The following DDRGK1 variants were observed in gnomAD, a reference collection of about 807,000 sequenced individuals.
DDRGK1 encodes DDRGK domain-containing protein 1.
DDRGK1 carries 38 observed loss-of-function variants against 45.8 expected under a neutral mutation model. The ratio of observed to expected loss-of-function variants is 0.83; its 90% CI spans 0.64 to 1.09. DDRGK1 has a LOEUF of 1.09. Among genes scored for constraint, DDRGK1 ranks in the 50% least tolerant of loss-of-function variants. The pLI, the probability that DDRGK1 is intolerant of heterozygous loss-of-function variation, is 0.00. For missense variants in DDRGK1, 403 were observed against 419.9 expected (o/e 0.96, Z 0.35); for synonymous variants, 171 against 168.7 (o/e 1.01, Z -0.11).
At chr20:3,195,096 A>G (rs2295551) in intron 5 of DDRGK1, 135 bp downstream of exon 5, 476,364 of 1,476,442 alleles carry the variant, frequency 0.32, 78,545 homozygotes, top group South Asian at 0.43. Flanking sequence ...TGGCCACTAA[A>G]GCCTGCTGGT....
rs746752541 is a variant in DDRGK1 at position 3,190,615 on chromosome 20, G to A, written c.*38C>T. ...GGGATGAAGATGTATAGCCAGGTAG[G>A]CCACACCAACTCTGAGTCCAAGAGG... On this transcript the variant is annotated 3_prime_UTR_variant, in exon 9 of 9. Transcript: ENST00000354488. 1.2e-6 allele frequency: 2 copies of A among 1,608,764 alleles called. No individual in the cohort carries two copies. Among genetic ancestry groups the A allele is most frequent in the Non-Finnish European group, 8.5e-7 (1 of 1,177,574 alleles).
chr20:3,190,859 G>A (rs1220517488), intron 8 of DDRGK1, 40 bp from the exon 9 acceptor site: 1 of 1,578,982 alleles, frequency 6.3e-7, no homozygotes, highest in Non-Finnish European at 8.6e-7. Context: ...GGCCTCCTGG[G>A]CGTTCCCCAT....
intron 8 of DDRGK1, 150 bp from the exon 9 acceptor site, chr20:3,190,969 A>G (rs2066987139): frequency 5.3e-6 from 7 of 1,329,570 alleles, no homozygotes; most frequent in Non-Finnish European, 7.2e-6. Context: ...TCCTGCTAGG[A>G]GAGTCGAATC....
chr20:3,204,631 G>T lies in DDRGK1; in HGVS notation c.-4C>A. On this transcript the variant is annotated 5_prime_UTR_variant, in exon 1 of 9. The change creates a premature stop within an existing upstream ORF in the 5' untranslated region. Transcript: ENST00000354488. ...AGTACCACACAGGCGCCACCATGAC[G>T]AGGGCCTCAGTGCAGAACCACTGCG... 3.2e-6 allele frequency: 5 copies of T among 1,578,062 alleles called. No homozygotes were observed. The highest frequency in any genetic ancestry group is 4.3e-6 in the Non-Finnish European group (5 of 1,166,220).
At chr20:3,204,496 A>G in intron 1 of DDRGK1, 41 bp downstream of exon 1, 1 of 1,534,192 alleles carries the variant, frequency 6.5e-7, no homozygotes, top group African/African-American at 1.4e-5. Flanking sequence ...GAAGGCCAGA[A>G]AACCCGGTAC....
chr20:3,195,492 T>C, intron 4 of DDRGK1, 139 bp from the exon 5 acceptor site: 2 of 1,253,378 alleles, frequency 1.6e-6, no homozygotes, highest in Non-Finnish European at 2.1e-6. Context: ...AGGACCCCCA[T>C]TTCTCCATTC....
At chr20:3,197,251 G>A (rs975258171) in intron 4 of DDRGK1, among the ~76,000 whole-genome samples, 2 of 146,934 alleles carry the variant, frequency 1.4e-5, no homozygotes, top group African/African-American at 2.5e-5. Flanking sequence ...AAAAAAGACT[G>A]CATGAATATT....
chr20:3,203,626 T>C (rs2067051932), intron 1 of DDRGK1, among the ~76,000 whole-genome samples: 2 of 152,146 alleles, frequency 1.3e-5, no homozygotes, highest in Admixed American at 1.3e-4. Context: ...CTCGGGCCTG[T>C]GTGAATACTC....
At chr20:3,197,758 C>T (rs1253450176) in intron 4 of DDRGK1, among the ~76,000 whole-genome samples, 1 of 151,370 alleles carries the variant, frequency 6.6e-6, no homozygotes, top group Non-Finnish European at 1.5e-5. Flanking sequence ...GGTGAAACCC[C>T]GCCTCTACCA....
intron 2 of DDRGK1, among the ~76,000 whole-genome samples, chr20:3,202,607 G>A (rs758267510): frequency 1.3e-5 from 2 of 152,300 alleles, no homozygotes; most frequent in Non-Finnish European, 1.5e-5. Context: ...AGAAGGTACG[G>A]CAAAGAAAGG....
At chr20:3,200,498 G>A (rs1600476483) in intron 2 of DDRGK1, 44 bp from the exon 3 acceptor site, 1 of 1,527,412 alleles carries the variant, frequency 6.5e-7, no homozygotes, top group East Asian at 2.4e-5. Flanking sequence ...TGACCAGAGA[G>A]GACTGATGAC....
intron 4 of DDRGK1, among the ~76,000 whole-genome samples, chr20:3,196,123 C>T (rs2067008787): frequency 6.6e-6 from 1 of 152,190 alleles, no homozygotes. Context: ...CACAACGGTC[C>T]ATGTGACACA....
chr20:3,203,163 T>TC (rs2067048298), intron 2 of DDRGK1, 50 bp downstream of exon 2: 7 of 1,456,988 alleles, frequency 4.8e-6, no homozygotes, highest in Non-Finnish European at 1.8e-6. Context: ...GGCCCTTTTA[T>TC]CCCCCCCTCC....
chr20:3,190,407 C>T lies in DDRGK1; in HGVS notation c.*246G>A, dbSNP rs1600468940. On this transcript the variant is annotated 3_prime_UTR_variant, in exon 9 of 9. Coordinates refer to ENST00000354488, the MANE Select transcript of DDRGK1 (RefSeq NM_023935.3). ...TGGATTCATAATAAGAACAGGACTT[C>T]ACCAGCTTCCAAGGGACCCTCCCCA... The T allele has an allele frequency of 3.8e-6, 2 of 525,794 alleles. No individual in the cohort carries two copies. Among genetic ancestry groups the T allele is most frequent in the Middle Eastern group, 5.0e-4 (1 of 2,010 alleles). 32.6% of individuals were successfully genotyped at this position (525,794 alleles called of 1,614,324 possible).
Position 3,204,633 on chromosome 20 carries a change from G to A in DDRGK1, c.-6C>T, listed in dbSNP as rs752491480. ...TACCACACAGGCGCCACCATGACGA[G>A]GGCCTCAGTGCAGAACCACTGCGTC... On this transcript the variant is annotated 5_prime_UTR_variant, in exon 1 of 9. Coordinates refer to ENST00000354488, the MANE Select transcript of DDRGK1 (RefSeq NM_023935.3). 8 of 1,576,104 alleles carry A rather than the reference G, an allele frequency of 5.1e-6. No homozygotes were observed. Among genetic ancestry groups the A allele is most frequent in the Middle Eastern group, 1.7e-4 (1 of 6,044 alleles).
chr20:3,195,214 A>T lies in DDRGK1; in HGVS notation c.633+17T>A. 1 of 1,613,954 alleles carries T rather than the reference A, an allele frequency of 6.2e-7. No individual in the cohort carries two copies. Among genetic ancestry groups the T allele is most frequent in the South Asian group, 1.1e-5 (1 of 91,074 alleles). Reference sequence around the variant, plus strand: ...TGATGGGTGCAGAGAGGGGCTTCCCAGGGGCAGCAGGCCCACCTGTTCCTC... The same window carrying T: ...TGATGGGTGCAGAGAGGGGCTTCCCTGGGGCAGCAGGCCCACCTGTTCCTC... On this transcript the variant is annotated intron_variant, in intron 5 of 8. Coordinates refer to ENST00000354488, the MANE Select transcript of DDRGK1 (RefSeq NM_023935.3).
chr20:3,194,606 A>G (rs1308539485), intron 6 of DDRGK1, among the ~76,000 whole-genome samples: 1 of 152,242 alleles, frequency 6.6e-6, no homozygotes, highest in East Asian at 1.9e-4. Context: ...TGAGGAAGTG[A>G]TCAAAGGCTT....
intron 6 of DDRGK1, 107 bp from the exon 7 acceptor site, chr20:3,191,928 G>A: frequency 9.3e-7 from 1 of 1,072,214 alleles, no homozygotes; most frequent in Non-Finnish European, 1.3e-6. Context: ...CTCGGTGGCT[G>A]GAAAAACACT....
At chr20:3,201,211 G>C (rs1168075711) in intron 2 of DDRGK1, among the ~76,000 whole-genome samples, 1 of 150,844 alleles carries the variant, frequency 6.6e-6, no homozygotes, top group African/African-American at 2.5e-5. Context: ...GTGAACCCAG[G>C]AGGCGGAACT....
Sources: allele counts gnomAD v4.1 joint callset (sites outside exome capture counted in the v4.1 genomes callset), GRCh38; gene constraint gnomAD v4.1.1; transcripts MANE v1.5; gene names NCBI Gene and HGNC (gene_info 2026-07-23, HGNC 2026-07-21).